The following IMMP2L variants were observed in gnomAD, a reference collection of about 807,000 sequenced individuals.
IMMP2L encodes the protein inner mitochondrial membrane peptidase subunit 2.
Under a neutral mutation model 19.3 loss-of-function variants are expected in IMMP2L, and 18 were observed. The observed-to-expected ratio is 0.93, with a 90% CI of 0.64 to 1.38. The LOEUF is 1.38. Ranked by LOEUF, IMMP2L falls within the 40% of genes most tolerant of loss-of-function variation. IMMP2L has a pLI of 0.00. For synonymous variants in IMMP2L, 76 were observed against 73.0 expected (o/e 1.04, Z -0.21); for missense variants, 233 against 218.2 (o/e 1.07, Z -0.43).
chr7:110,926,782 T>C (rs1004821529), intron 4 of IMMP2L, among the ~76,000 whole-genome samples: 19 of 152,160 alleles, frequency 1.2e-4, no homozygotes, highest in Non-Finnish European at 1.0e-4. Flanking sequence ...ATTACAATTT[T>C]TTTGTACAGA....
chr7:111,387,082 A>G (rs1284743154), intron 3 of IMMP2L, among the ~76,000 whole-genome samples: 1 of 152,184 alleles, frequency 6.6e-6, no homozygotes, highest in Non-Finnish European at 1.5e-5. Flanking sequence ...AGAAAAGAAA[A>G]TACTATTATT....
intron 5 of IMMP2L, among the ~76,000 whole-genome samples, chr7:110,852,432 T>C (rs1296328981): frequency 1.3e-5 from 2 of 152,012 alleles, no homozygotes; most frequent in Non-Finnish European, 2.9e-5. Context: ...GGCAACATGA[T>C]GGCCAGAATG....
chr7:111,000,013 A>G (rs1257412075), intron 3 of IMMP2L, among the ~76,000 whole-genome samples: 2 of 152,160 alleles, frequency 1.3e-5, no homozygotes, highest in African/African-American at 4.8e-5. Flanking sequence ...ATCCACACTA[A>G]AAGCCTGAGT....
intron 5 of IMMP2L, among the ~76,000 whole-genome samples, chr7:110,672,702 A>T (rs148369048): frequency 6.6e-6 from 1 of 152,196 alleles, no homozygotes; most frequent in Admixed American, 6.5e-5. Flanking sequence ...GCCCCATGCA[A>T]GTCTGAAATC....
At chr7:111,499,969 G>A (rs1844009682) in intron 2 of IMMP2L, among the ~76,000 whole-genome samples, 1 of 152,140 alleles carries the variant, frequency 6.6e-6, no homozygotes, top group Non-Finnish European at 1.5e-5. Context: ...AGGACAGTGG[G>A]TGCAGAGCAC....
intron 3 of IMMP2L, among the ~76,000 whole-genome samples, chr7:111,335,161 T>C (rs1455081965): frequency 6.6e-6 from 1 of 152,050 alleles, no homozygotes; most frequent in Non-Finnish European, 1.5e-5. Flanking sequence ...AAACTTTTCT[T>C]TATAGAAAAG....
chr7:110,693,789 A>G (rs1049645417), intron 5 of IMMP2L, among the ~76,000 whole-genome samples: 1 of 152,190 alleles, frequency 6.6e-6, no homozygotes, highest in African/African-American at 2.4e-5. Flanking sequence ...AGAGAAAGAA[A>G]GAATTTCAAA....
At chr7:110,822,199 A>C (rs1334597908) in intron 5 of IMMP2L, among the ~76,000 whole-genome samples, 1 of 152,126 alleles carries the variant, frequency 6.6e-6, no homozygotes, top group Non-Finnish European at 1.5e-5. Flanking sequence ...AGAAATCTGG[A>C]AAACTCTTCC....
chr7:110,800,341 T>C (rs1487301174), intron 5 of IMMP2L, among the ~76,000 whole-genome samples: 1 of 152,086 alleles, frequency 6.6e-6, no homozygotes, highest in Non-Finnish European at 1.5e-5. Context: ...CAAAGCTGAA[T>C]GGCATGTCCA....
At chr7:111,223,039 A>C (rs1225976016) in intron 3 of IMMP2L, among the ~76,000 whole-genome samples, 3 of 152,070 alleles carry the variant, frequency 2.0e-5, no homozygotes, top group Non-Finnish European at 4.4e-5. Context: ...CAAAAGCAAC[A>C]TTGAAGAAAA....
At chr7:111,519,868 T>C (rs1563304092) in intron 2 of IMMP2L, among the ~76,000 whole-genome samples, 2 of 151,888 alleles carry the variant, frequency 1.3e-5, no homozygotes, top group Admixed American at 6.6e-5. Flanking sequence ...GTAACAAAAT[T>C]GGGGGAAAAA....
At chr7:111,256,675 G>C (rs1816734042) in intron 3 of IMMP2L, among the ~76,000 whole-genome samples, 1 of 151,874 alleles carries the variant, frequency 6.6e-6, no homozygotes, top group Non-Finnish European at 1.5e-5. Flanking sequence ...CGAGTAAAAG[G>C]GTTTTTCTGT....
intron 3 of IMMP2L, among the ~76,000 whole-genome samples, chr7:111,306,906 A>G (rs1483829631): frequency 7.3e-5 from 11 of 151,420 alleles, no homozygotes; most frequent in Admixed American, 6.6e-4. Context: ...TATTTTTTAA[A>G]TTTATCCTTA....
chr7:111,462,835 G>C (rs1840260128), intron 3 of IMMP2L, among the ~76,000 whole-genome samples: 1 of 152,044 alleles, frequency 6.6e-6, no homozygotes. Context: ...TTTTACATCA[G>C]TTGATTTCTA....
At chr7:111,117,116 A>G (rs1022073190) in intron 3 of IMMP2L, among the ~76,000 whole-genome samples, 1 of 152,160 alleles carries the variant, frequency 6.6e-6, no homozygotes, top group South Asian at 2.1e-4. Context: ...CCCCATAATG[A>G]CTAAAATTCA....
intron 3 of IMMP2L, among the ~76,000 whole-genome samples, chr7:111,268,169 C>T (rs557511695): frequency 1.4e-4 from 22 of 152,196 alleles, no homozygotes; most frequent in Middle Eastern, 6.8e-3. Flanking sequence ...ATTTATCTCT[C>T]TATGTGTTAT....
At chr7:111,256,000 A>G (rs1408920305) in intron 3 of IMMP2L, among the ~76,000 whole-genome samples, 1 of 152,134 alleles carries the variant, frequency 6.6e-6, no homozygotes, top group Admixed American at 6.5e-5. Flanking sequence ...TTTAATGAGC[A>G]GTTTATTCCA....
intron 3 of IMMP2L, among the ~76,000 whole-genome samples, chr7:111,314,818 C>T (rs747194129): frequency 5.9e-5 from 9 of 152,046 alleles, no homozygotes; most frequent in Non-Finnish European, 8.8e-5. Context: ...TTTTTCTAAA[C>T]AAATAGTGGA....
chr7:111,337,668 G>A (rs927610588), intron 3 of IMMP2L, among the ~76,000 whole-genome samples: 2 of 150,914 alleles, frequency 1.3e-5, no homozygotes, highest in Non-Finnish European at 3.0e-5. Flanking sequence ...ACCATACATG[G>A]GCAGATGTAT....
Sources: gnomAD v4.1 joint callset for allele counts (sites outside exome capture counted in the v4.1 genomes callset) on GRCh38, gnomAD v4.1.1 for gene constraint, MANE v1.5 for transcripts, NCBI Gene and HGNC (gene_info 2026-07-23, HGNC 2026-07-21) for gene names.